The following ZNF804B variants were observed in gnomAD, a reference collection of about 807,000 sequenced individuals.
ZNF804B encodes the protein zinc finger protein 804B.
A neutral mutation model predicts 101.4 loss-of-function variants in ZNF804B; 80 were observed. The observed-to-expected ratio is 0.79, with a 90% CI of 0.66 to 0.95. The LOEUF is 0.95. Ranked by LOEUF, ZNF804B falls within the 40% of genes least tolerant of loss-of-function variation. The pLI, the probability that ZNF804B is intolerant of heterozygous loss-of-function variation, is 0.00. For missense variants in ZNF804B, 1,673 were observed against 1,561.9 expected (o/e 1.07, Z -1.20); for synonymous variants, 622 against 558.8 (o/e 1.11, Z -1.59).
intron 1 of ZNF804B, among the ~76,000 whole-genome samples, chr7:88,970,866 C>T (rs1477354819): frequency 6.7e-6 from 1 of 149,886 alleles, no homozygotes; most frequent in Non-Finnish European, 1.5e-5. Flanking sequence ...ATACCTAACG[C>T]TAAATGACAA....
intron 1 of ZNF804B, among the ~76,000 whole-genome samples, chr7:89,200,040 C>T (rs552102843): frequency 6.6e-6 from 1 of 151,056 alleles, no homozygotes; most frequent in South Asian, 2.1e-4. Flanking sequence ...AGAACTGTGC[C>T]TTGTGCTTTT....
chr7:89,203,311 A>G (rs1788672676), intron 1 of ZNF804B, among the ~76,000 whole-genome samples: 1 of 152,212 alleles, frequency 6.6e-6, no homozygotes, highest in Admixed American at 6.5e-5. Flanking sequence ...AAATGCAGGT[A>G]TATGTGCATA....
intron 1 of ZNF804B, among the ~76,000 whole-genome samples, chr7:89,164,375 T>G (rs935251424): frequency 6.6e-6 from 1 of 152,044 alleles, no homozygotes; most frequent in Admixed American, 6.6e-5. Context: ...TGAAAGAAAC[T>G]ATCGTGGAAA....
intron 1 of ZNF804B, among the ~76,000 whole-genome samples, chr7:88,854,537 T>TTCCTTTCCTTTCCTTTCCTTCC (rs774304273): frequency 3.2e-5 from 3 of 95,142 alleles, no homozygotes; most frequent in African/African-American, 1.4e-4. Context: ...TTTCCTTCCT[T>TTCCTTTCCTTTCCTTTCCTTCC]CCTTCCTTCC....
At position 89,220,090 on chromosome 7, in the gene ZNF804B, T is replaced by TATATGTGTGTATATACATGTATATAC. The variant is rs1788976289; in HGVS notation, c.249+1796_249+1797insTATGTGTGTATATACATGTATATACA. On this transcript the variant is annotated intron_variant, in intron 2 of 3. Coordinates refer to ENST00000333190, the MANE Select transcript of ZNF804B (RefSeq NM_181646.5). ...ACATATATGTGTATATACATATATA[T>TATATGTGTGTATATACATGTATATAC]ACGCACATATATATGTGTGTATATA... 4.5e-5 allele frequency among the ~76,000 whole-genome samples: 5 copies of TATATGTGTGTATATACATGTATATAC among 111,912 alleles called. 2 individuals are homozygous for TATATGTGTGTATATACATGTATATAC. The highest frequency in any genetic ancestry group is 2.0e-4 in the African/African-American group (5 of 24,956). 73.4% of individuals were successfully genotyped at this position (111,912 alleles called of 152,430 possible).
intron 1 of ZNF804B, among the ~76,000 whole-genome samples, chr7:88,992,331 G>A (rs1015386491): frequency 6.6e-6 from 1 of 152,038 alleles, no homozygotes; most frequent in Non-Finnish European, 1.5e-5. Context: ...AGAAAGTCAT[G>A]TGCTTGTTTA....
At chr7:89,253,657 A>G (rs1789576864) in intron 2 of ZNF804B, among the ~76,000 whole-genome samples, 1 of 152,120 alleles carries the variant, frequency 6.6e-6, no homozygotes. Flanking sequence ...TAATTCTAAT[A>G]TTACACAAAA....
intron 1 of ZNF804B, among the ~76,000 whole-genome samples, chr7:89,068,394 C>T (rs1437288837): frequency 2.0e-5 from 3 of 151,874 alleles, no homozygotes; most frequent in East Asian, 3.9e-4. Context: ...AACAATGTCT[C>T]ATAAAACCAA....
At chr7:88,925,451 G>A (rs1792782535) in intron 1 of ZNF804B, among the ~76,000 whole-genome samples, 1 of 152,084 alleles carries the variant, frequency 6.6e-6, no homozygotes, top group African/African-American at 2.4e-5. Context: ...AACCTGATTA[G>A]TGTACTTATA....
intron 2 of ZNF804B, among the ~76,000 whole-genome samples, chr7:89,268,474 G>A (rs562955773): frequency 6.6e-6 from 1 of 152,048 alleles, no homozygotes; most frequent in East Asian, 1.9e-4. Flanking sequence ...TTCATGACGA[G>A]ATCTTTCTTA....
At chr7:88,834,398 A>T (rs1316802379) in intron 1 of ZNF804B, among the ~76,000 whole-genome samples, 2 of 151,824 alleles carry the variant, frequency 1.3e-5, no homozygotes, top group African/African-American at 4.8e-5. Context: ...TAGAATTCCA[A>T]TATAGTCTAT....
At chr7:88,899,563 ACT>A (rs1375860064) in intron 1 of ZNF804B, among the ~76,000 whole-genome samples, 1 of 151,702 alleles carries the variant, frequency 6.6e-6, no homozygotes, top group Non-Finnish European at 1.5e-5. Context: ...TTGCCTCCAG[ACT>A]CTCCCTTTTT....
At chr7:89,282,897 T>A (rs1233270120) in intron 2 of ZNF804B, among the ~76,000 whole-genome samples, 1 of 152,166 alleles carries the variant, frequency 6.6e-6, no homozygotes, top group Non-Finnish European at 1.5e-5. Flanking sequence ...ATATCTTGAT[T>A]TGAGCCCAGT....
At chr7:88,796,663 A>C (rs1790490461) in intron 1 of ZNF804B, among the ~76,000 whole-genome samples, 1 of 151,874 alleles carries the variant, frequency 6.6e-6, no homozygotes, top group Non-Finnish European at 1.5e-5. Flanking sequence ...CTCACATCCA[A>C]CTCTGGAAAA....
chr7:88,818,239 C>G (rs1790916562), intron 1 of ZNF804B, among the ~76,000 whole-genome samples: 1 of 151,950 alleles, frequency 6.6e-6, no homozygotes, highest in Admixed American at 6.6e-5. Context: ...TTATTAGTCA[C>G]AAAAATGTCA....
intron 1 of ZNF804B, among the ~76,000 whole-genome samples, chr7:88,800,863 C>A (rs1290408869): frequency 6.6e-6 from 1 of 151,876 alleles, no homozygotes; most frequent in East Asian, 1.9e-4. Context: ...ATTTGTTAAA[C>A]TGAAGATTCC....
chr7:89,216,391 G>T (rs35966114), intron 1 of ZNF804B, among the ~76,000 whole-genome samples: 1 of 152,084 alleles, frequency 6.6e-6, no homozygotes, highest in Non-Finnish European at 1.5e-5. Flanking sequence ...AAGGGATTTA[G>T]CACCATCTCA....
intron 1 of ZNF804B, among the ~76,000 whole-genome samples, chr7:89,001,015 A>G (rs1191705510): frequency 6.9e-6 from 1 of 145,122 alleles, no homozygotes; most frequent in East Asian, 2.6e-4. Context: ...AATGTATAGT[A>G]TAATATAATA....
intron 1 of ZNF804B, among the ~76,000 whole-genome samples, chr7:89,174,864 T>C (rs1005645927): frequency 6.6e-6 from 1 of 152,052 alleles, no homozygotes; most frequent in Non-Finnish European, 1.5e-5. Flanking sequence ...AGTGCCTTTT[T>C]ACATACCTGT....
Sources: allele counts gnomAD v4.1 joint callset (sites outside exome capture counted in the v4.1 genomes callset), GRCh38; gene constraint gnomAD v4.1.1; transcripts MANE v1.5; gene names NCBI Gene and HGNC (gene_info 2026-07-23, HGNC 2026-07-21).